The following TMX4 variants were observed in gnomAD, a reference collection of about 807,000 sequenced individuals.
TMX4 encodes the protein thioredoxin-related transmembrane protein 4.
Under a neutral mutation model 33.3 loss-of-function variants are expected in TMX4, and 23 were observed. The observed-to-expected ratio is 0.69, with a 90% CI of 0.50 to 0.98. The LOEUF (loss-of-function observed/expected upper bound fraction) is 0.98, where lower values mean the gene tolerates loss of function less well. TMX4 is among the 50% of genes least tolerant of loss of function. The pLI is 0.00. For synonymous variants in TMX4, 164 were observed against 161.5 expected, an observed-to-expected ratio of 1.02 and a Z score of -0.12; for missense variants, 399 against 448.9, an observed-to-expected ratio of 0.89 and a Z score of 1.01.
rs1174802204 is a variant in TMX4, at chr20:7,977,439, C to A, written c.*4812G>T. On this transcript the variant is annotated 3_prime_UTR_variant, in exon 8 of 8. Coordinates refer to ENST00000246024, the MANE Select transcript of TMX4 (RefSeq NM_021156.4). ...TTTGTGAAAACACTTGTATGAAAAGCAATACACCATTTGTTTTTACTTACC... is the reference window on the plus strand; with the variant it reads ...TTTGTGAAAACACTTGTATGAAAAGAAATACACCATTTGTTTTTACTTACC... The A allele has an allele frequency of 1.3e-5, 2 of 152,162 alleles. No individual in the cohort carries two copies. The highest frequency in any genetic ancestry group is 4.8e-5 in the African/African-American group (2 of 41,418). 9.4% of individuals were successfully genotyped at this position (152,162 alleles called of 1,614,324 possible).
chr20:8,008,275 A>C lies in TMX4; in HGVS notation c.292+1925T>G, dbSNP rs115072119. Among the ~76,000 whole-genome samples, 1,404 of 152,262 alleles carry C rather than the reference A, an allele frequency of 9.2e-3. 12 individuals are homozygous for C. Among genetic ancestry groups the C allele is most frequent in the Middle Eastern group, 0.027 (8 of 294 alleles). On this transcript the variant is annotated intron_variant, in intron 2 of 7. Transcript: ENST00000246024. ...AATTCTAGAGCCTCTGCCTATAAAAAATTGTTCAAACACATAAAATAATAA... is the reference window on the plus strand; with the variant it reads ...AATTCTAGAGCCTCTGCCTATAAAACATTGTTCAAACACATAAAATAATAA...
chr20:8,010,148 C>G, intron 2 of TMX4, 52 bp downstream of exon 2: 2 of 1,506,952 alleles, frequency 1.3e-6, no homozygotes, highest in Admixed American at 1.8e-5. Context: ...GAAAAAAATT[C>G]AAAATAAAAA....
At chr20:8,000,517 ACTTCTTT>A (rs1392339546) in intron 3 of TMX4, among the ~76,000 whole-genome samples, 5 of 151,884 alleles carry the variant, frequency 3.3e-5, no homozygotes, top group Non-Finnish European at 7.4e-5. Flanking sequence ...GCTGAATACC[ACTTCTTT>A]CTTCCTTGTG....
chr20:8,019,526 C>T lies in TMX4; in HGVS notation c.88G>A (p.Ala30Thr). Residue 30 changes from alanine (A) to threonine (T), a missense_variant, in exon 1 of 8, where the codon GCC (alanine) becomes ACC (threonine). Transcript: ENST00000246024. Reference protein sequence around the residue: ...AVAATAGPEEAALPPEQSRVQ... With the variant: ...AVAATAGPEETALPPEQSRVQ... ...CGGCTCTGCTCCGGCGGCAGCGCGG[C>T]CTCCTCGGGGCCTGCCGTCGCCGCC... The T allele has an allele frequency of 2.7e-6, 4 of 1,495,062 alleles. 1 individual carries two copies. The South Asian group carries it at 5.1e-5, about 19-fold the overall frequency. 92.6% of individuals were successfully genotyped at this position (1,495,062 alleles called of 1,614,324 possible).
At chr20:7,985,553 C>T (rs1163755822) in intron 6 of TMX4, among the ~76,000 whole-genome samples, 1 of 151,956 alleles carries the variant, frequency 6.6e-6, no homozygotes, top group African/African-American at 2.4e-5. Context: ...GATTACAGGC[C>T]TGAGCCACTG....
At chr20:8,012,269 G>T (rs2050756007) in intron 1 of TMX4, among the ~76,000 whole-genome samples, 1 of 152,074 alleles carries the variant, frequency 6.6e-6, no homozygotes, top group South Asian at 2.1e-4. Context: ...TGTAAAATGG[G>T]ATAATAACAG....
intron 1 of TMX4, among the ~76,000 whole-genome samples, chr20:8,018,003 A>G (rs1382827739): frequency 2.0e-5 from 3 of 151,962 alleles, no homozygotes; most frequent in Non-Finnish European, 4.4e-5. Context: ...TGAAGGGGTG[A>G]TATGCCTTAT....
At position 8,001,552 on chromosome 20, in the gene TMX4, C is replaced by G; in HGVS notation, c.293-11G>C. ...AGCGGCCACTCAAACCTACAAGAAG[C>G]ATAAACAGAACAAAAGTTACACTTA... is the stretch of plus-strand genomic sequence containing the variant. On this transcript the variant is annotated splice_polypyrimidine_tract_variant and intron_variant, in intron 2 of 7. Coordinates refer to ENST00000246024, the MANE Select transcript of TMX4 (RefSeq NM_021156.4). 6.3e-7 allele frequency: 1 copy of G among 1,596,324 alleles called. No individual in the cohort carries two copies. Among genetic ancestry groups the G allele is most frequent in the Non-Finnish European group, 8.6e-7 (1 of 1,169,236 alleles).
intron 4 of TMX4, among the ~76,000 whole-genome samples, chr20:7,998,337 T>C (rs567088770): frequency 6.6e-6 from 1 of 152,182 alleles, no homozygotes; most frequent in African/African-American, 2.4e-5. Context: ...AACCAGAAAC[T>C]TGTAAGTTTT....
intron 1 of TMX4, chr20:8,019,213 G>A (rs2050799110): frequency 1.8e-6 from 1 of 540,998 alleles, no homozygotes; most frequent in Non-Finnish European, 3.1e-6. Flanking sequence ...GGGCCCCACA[G>A]CCGCAGGTCG....
rs747301423 is a variant in TMX4 at position 7,999,847 on chromosome 20, T to C, written c.352A>G (p.Ile118Val). ...CCTGGGCCACGATAACGGCGGAATA[T>C]CCCATCCTTTGCACTATAAATTATG... ...LPAFFHAKDG[I>V]FRRYRGPGIF... Residue 118 changes from isoleucine (I) to valine (V), a missense_variant, in exon 4 of 8, where the codon ATA (isoleucine) becomes GTA (valine). Physicochemically the swap from Ile to Val is conservative, Grantham distance 29. Transcript: ENST00000246024. 15 of 1,612,750 alleles carry C rather than the reference T, an allele frequency of 9.3e-6. No individual in the cohort carries two copies. The highest frequency in any genetic ancestry group is 1.3e-5 in the African/African-American group (1 of 74,922).
chr20:7,994,743 C>T (rs562953341), intron 5 of TMX4, among the ~76,000 whole-genome samples: 8 of 152,300 alleles, frequency 5.3e-5, no homozygotes, highest in South Asian at 4.1e-4. Context: ...TAATGCTACA[C>T]GGCTCAAACA....
chr20:8,005,533 C>A (rs529018044), intron 2 of TMX4, among the ~76,000 whole-genome samples: 4 of 152,158 alleles, frequency 2.6e-5, no homozygotes, highest in African/African-American at 9.7e-5. Context: ...TGGACCTAGG[C>A]GAGGACAGGC....
intron 3 of TMX4, 57 bp from the exon 4 acceptor site, chr20:7,999,917 T>C: frequency 6.4e-7 from 1 of 1,553,660 alleles, no homozygotes; most frequent in South Asian, 1.2e-5. Context: ...ATGTTACAGA[T>C]AATAAAAATT....
chr20:8,015,029 A>G (rs1257073126), intron 1 of TMX4, among the ~76,000 whole-genome samples: 1 of 148,360 alleles, frequency 6.7e-6, no homozygotes, highest in Admixed American at 6.7e-5. Context: ...TTTTATCTCC[A>G]CTAGTCAGTA....
At chr20:7,982,662 T>G in intron 7 of TMX4, 41 bp from the exon 8 acceptor site, 1 of 1,557,546 alleles carries the variant, frequency 6.4e-7, no homozygotes, top group Non-Finnish European at 8.6e-7. Flanking sequence ...GAATAAACAA[T>G]GGTAATTCGG....
At chr20:8,018,392 GGGAGGGAGGGAGGGAGAGAGAGAGAGAGA>G (rs2050787795) in intron 1 of TMX4, among the ~76,000 whole-genome samples, 2 of 39,998 alleles carry the variant, frequency 5.0e-5, no homozygotes, top group African/African-American at 2.2e-4. Flanking sequence ...GAGAGAGAGA[GGGAGGGAGGGAGGGAGAGAGAGAGAGAGA>G]GAAGAGAGAG....
intron 5 of TMX4, among the ~76,000 whole-genome samples, chr20:7,987,693 T>G (rs1030887926): frequency 6.6e-6 from 1 of 152,114 alleles, no homozygotes; most frequent in Admixed American, 6.5e-5. Context: ...CCCTAATAAT[T>G]ATATACATCT....
chr20:7,992,483 G>T (rs2050659367), intron 5 of TMX4, among the ~76,000 whole-genome samples: 1 of 152,144 alleles, frequency 6.6e-6, no homozygotes, highest in Non-Finnish European at 1.5e-5. Flanking sequence ...ACATATCGAG[G>T]ATCCCTGGGA....
Sources: allele counts gnomAD v4.1 joint callset (sites outside exome capture counted in the v4.1 genomes callset), GRCh38; gene constraint gnomAD v4.1.1; transcripts MANE v1.5; gene names NCBI Gene and HGNC (gene_info 2026-07-23, HGNC 2026-07-21).